The following ADARB2 variants were observed in gnomAD, a reference collection of about 807,000 sequenced individuals.
ADARB2 encodes inactive double-stranded RNA-specific editase B2.
A neutral mutation model predicts 62.2 loss-of-function variants in ADARB2; 25 were observed. The observed-to-expected ratio is 0.40, with a 90% confidence interval of 0.29 to 0.56. The LOEUF is 0.56. Among genes scored for constraint, ADARB2 ranks in the 20% least tolerant of loss-of-function variants. The pLI, the probability that ADARB2 is intolerant of heterozygous loss-of-function variation, is 0.43. For synonymous variants in ADARB2, 572 were observed against 500.8 expected (o/e 1.14, Z -1.90); for missense variants, 1,071 against 1,077.4 (o/e 0.99, Z 0.08).
chr10:1,617,371 G>A (rs572042363), intron 1 of ADARB2, among the ~76,000 whole-genome samples: 3 of 79,260 alleles, frequency 3.8e-5, no homozygotes, highest in Admixed American at 1.4e-4. Flanking sequence ...GCATTCTGTC[G>A]CTAGATGTTT....
intron 3 of ADARB2, among the ~76,000 whole-genome samples, chr10:1,274,048 A>G (rs1319761362): frequency 6.6e-6 from 1 of 152,240 alleles, no homozygotes; most frequent in Non-Finnish European, 1.5e-5. Flanking sequence ...AAGAGGGTCT[A>G]GAAAGCCTTG....
At chr10:1,510,401 C>T (rs143225891) in intron 1 of ADARB2, among the ~76,000 whole-genome samples, 3,091 of 152,014 alleles carry the variant, frequency 0.02, 90 homozygotes, top group African/African-American at 0.071. Flanking sequence ...AGGCTTGTCT[C>T]GAACTCCTGA....
At chr10:1,288,142 G>A (rs1414570960) in intron 3 of ADARB2, among the ~76,000 whole-genome samples, 1 of 152,230 alleles carries the variant, frequency 6.6e-6, no homozygotes, top group Non-Finnish European at 1.5e-5. Flanking sequence ...CTGCAGACAG[G>A]CTCGGCCATG....
intron 3 of ADARB2, among the ~76,000 whole-genome samples, chr10:1,349,269 T>C (rs906561914): frequency 2.0e-5 from 3 of 151,964 alleles, no homozygotes; most frequent in Non-Finnish European, 2.9e-5. Flanking sequence ...CCCTTCTTCC[T>C]TTACCTACCC....
chr10:1,629,645 C>T (rs1411965827), intron 1 of ADARB2, among the ~76,000 whole-genome samples: 1 of 151,184 alleles, frequency 6.6e-6, no homozygotes, highest in African/African-American at 2.4e-5. Flanking sequence ...TGGGCACCTG[C>T]AGATCCTGCA....
intron 1 of ADARB2, among the ~76,000 whole-genome samples, chr10:1,427,739 G>A (rs1832903793): frequency 6.6e-6 from 1 of 152,304 alleles, no homozygotes; most frequent in Non-Finnish European, 1.5e-5. Flanking sequence ...AATCCTGGAG[G>A]AATGGAAATT....
intron 1 of ADARB2, among the ~76,000 whole-genome samples, chr10:1,480,681 G>C (rs1206648633): frequency 1.3e-5 from 2 of 151,878 alleles, no homozygotes; most frequent in Admixed American, 1.3e-4. Context: ...CTGGGTGAAA[G>C]AGTGAGTGAG....
At chr10:1,373,790 CCG>C in intron 2 of ADARB2, among the ~76,000 whole-genome samples, 1 of 85,470 alleles carries the variant, frequency 1.2e-5, no homozygotes, top group Non-Finnish European at 2.9e-5. Context: ...CACGTGGACT[CCG>C]CGCACCTTTC....
intron 3 of ADARB2, chr10:1,361,306 A>C (rs1446789102): frequency 6.6e-6 from 1 of 152,166 alleles, no homozygotes; most frequent in Non-Finnish European, 1.5e-5. Context: ...GAAGGGAGTA[A>C]ATAAGAAGGA....
chr10:1,441,367 GA>G (rs1283544049), intron 1 of ADARB2, among the ~76,000 whole-genome samples: 1 of 152,196 alleles, frequency 6.6e-6, no homozygotes, highest in Non-Finnish European at 1.5e-5. Flanking sequence ...TCTAACATCT[GA>G]AAGAAAGAAG....
rs75343418 is a variant in ADARB2 at position 1,189,501 on chromosome 10, C to G, written c.1865-4462G>C. On this transcript the variant is annotated intron_variant, in intron 8 of 9. Transcript: ENST00000381312. ...ATGTGCTCAGGCCTAGAAATGAAAGCCTGGCTTGTGTTTAATTTTAACTCC... is the reference window on the plus strand; with the variant it reads ...ATGTGCTCAGGCCTAGAAATGAAAGGCTGGCTTGTGTTTAATTTTAACTCC... Among the ~76,000 whole-genome samples the G allele has an allele frequency of 8.8e-3, 1,336 of 152,166 alleles. 40 individuals are homozygous for G. Among genetic ancestry groups the G allele is most frequent in the East Asian group, 0.04 (207 of 5,192 alleles).
intron 1 of ADARB2, chr10:1,678,404 C>G: frequency 1.1e-6 from 1 of 890,994 alleles, no homozygotes; most frequent in Non-Finnish European, 1.3e-6. Flanking sequence ...TTGGGGTGAG[C>G]GTCTGCGCAC....
intron 3 of ADARB2, among the ~76,000 whole-genome samples, chr10:1,304,018 A>G (rs1648515367): frequency 6.6e-6 from 1 of 152,158 alleles, no homozygotes; most frequent in African/African-American, 2.4e-5. Flanking sequence ...AAATTCACAC[A>G]TAACACTATT....
At chr10:1,526,836 G>C (rs754098386) in intron 1 of ADARB2, 9 of 516,242 alleles carry the variant, frequency 1.7e-5, no homozygotes, top group Admixed American at 1.2e-4. Context: ...TGCGTGGAGG[G>C]GTCGTGAGCG....
chr10:1,430,022 A>G (rs1314448713), intron 1 of ADARB2, among the ~76,000 whole-genome samples: 1 of 152,240 alleles, frequency 6.6e-6, no homozygotes, highest in African/African-American at 2.4e-5. Context: ...TGAAATGAGT[A>G]AAAATCGTGC....
At chr10:1,645,347 A>G (rs1834026209) in intron 1 of ADARB2, among the ~76,000 whole-genome samples, 1 of 152,218 alleles carries the variant, frequency 6.6e-6, no homozygotes, top group Non-Finnish European at 1.5e-5. Flanking sequence ...GGGAGGTTAG[A>G]TGGACCAGGG....
intron 1 of ADARB2, among the ~76,000 whole-genome samples, chr10:1,484,068 T>C (rs1479148556): frequency 6.6e-6 from 1 of 152,212 alleles, no homozygotes; most frequent in African/African-American, 2.4e-5. Flanking sequence ...CGAATTGTTC[T>C]TGATGTGACG....
chr10:1,610,193 C>T (rs140050228), intron 1 of ADARB2, among the ~76,000 whole-genome samples: 17 of 152,294 alleles, frequency 1.1e-4, no homozygotes, highest in African/African-American at 3.6e-4. Context: ...CCAGAATCAC[C>T]GTGGGCTCCC....
At chr10:1,500,826 C>T (rs1228515259) in intron 1 of ADARB2, among the ~76,000 whole-genome samples, 1 of 152,234 alleles carries the variant, frequency 6.6e-6, no homozygotes, top group Non-Finnish European at 1.5e-5. Flanking sequence ...CACTGTTGTG[C>T]TGTCCCTGAA....
Sources: gnomAD v4.1 joint callset for allele counts (sites outside exome capture counted in the v4.1 genomes callset) on GRCh38, gnomAD v4.1.1 for gene constraint, MANE v1.5 for transcripts, NCBI Gene and HGNC (gene_info 2026-07-23, HGNC 2026-07-21) for gene names.